Variants in ITPRID1 observed in about 807,000 individuals in gnomAD.
ITPRID1 encodes protein ITPRID1.
In ITPRID1, 96 loss-of-function variants were observed where a neutral mutation model predicts 95.4. The ratio of observed to expected loss-of-function variants is 1.01; its 90% CI spans 0.85 to 1.19. ITPRID1 has a LOEUF of 1.19. Among genes scored for constraint, ITPRID1 ranks in the 50% most tolerant of loss-of-function variants. The pLI, the probability that ITPRID1 is intolerant of heterozygous loss-of-function variation, is 0.00. For synonymous variants in ITPRID1, 510 were observed against 453.6 expected, an observed-to-expected ratio of 1.12 and a Z score of -1.58; for missense variants, 1,339 against 1,252.9, an observed-to-expected ratio of 1.07 and a Z score of -1.04.
rs564073402 is a variant in ITPRID1 at position 31,624,053 on chromosome 7, C to G, written c.1229-18123C>G. Among the ~76,000 whole-genome samples the G allele has an allele frequency of 8.2e-3, 1,233 of 150,800 alleles. 15 individuals are homozygous for G. Among genetic ancestry groups the G allele is most frequent in the African/African-American group, 0.028 (1,149 of 41,088 alleles). ...CAAAGAGAATAAAATACCTAGGAAT[C>G]CACCTTACAAGGGATGTGAAGGACC... On this transcript the variant is annotated intron_variant, in intron 10 of 14. Coordinates refer to ENST00000615280, the MANE Select transcript of ITPRID1 (RefSeq NM_001257967.3).
chr7:31,534,193 A>G (rs140915758), intron 1 of ITPRID1, among the ~76,000 whole-genome samples: 1 of 152,288 alleles, frequency 6.6e-6, no homozygotes, highest in Admixed American at 6.5e-5. Context: ...TTTTCCACCA[A>G]ACCAGTCCCT....
In ITPRID1 at chr7:31,617,908, G is replaced by T. The variant is rs1286929021; in HGVS notation, c.1229-24268G>T. 3.9e-5 allele frequency among the ~76,000 whole-genome samples: 6 copies of T among 152,150 alleles called. No homozygotes were observed. The South Asian group carries it at 1.2e-3, about 32-fold the overall frequency. ...AACGCTACAAATCACTGCAGGAAAA[G>T]AAGATAAAGTCCCTTTTCTATTTGT... On this transcript the variant is annotated intron_variant, in intron 10 of 14. Coordinates refer to ENST00000615280, the MANE Select transcript of ITPRID1 (RefSeq NM_001257967.3).
At chr7:31,585,692 A>C (rs1272913904) in intron 10 of ITPRID1, among the ~76,000 whole-genome samples, 1 of 152,188 alleles carries the variant, frequency 6.6e-6, no homozygotes, top group Non-Finnish European at 1.5e-5. Context: ...TTAGCTATCA[A>C]CTTGGACAAG....
rs142057205 is a variant in ITPRID1, at chr7:31,639,984, A to G, written c.1229-2192A>G. Among the ~76,000 whole-genome samples the G allele has an allele frequency of 2.0e-5, 3 of 152,276 alleles. No homozygotes were observed. The East Asian group carries it at 5.8e-4, about 29-fold the overall frequency. ...TTGCACACCTATTATTTTTTAATAT[A>G]TGCCACACATTTGGATTTTACCATA... On this transcript the variant is annotated intron_variant, in intron 10 of 14. Transcript: ENST00000615280.
At chr7:31,554,058 GGCTGGCT>G in intron 3 of ITPRID1, among the ~76,000 whole-genome samples, 1 of 152,252 alleles carries the variant, frequency 6.6e-6, no homozygotes. Flanking sequence ...AACCATCACT[GGCTGGCT>G]GCCTTAGGTA....
chr7:31,627,351 A>G (rs1788558010), intron 10 of ITPRID1, among the ~76,000 whole-genome samples: 3 of 152,224 alleles, frequency 2.0e-5, no homozygotes, highest in Admixed American at 1.3e-4. Context: ...GATATTCTTT[A>G]GAGAATCATC....
intron 10 of ITPRID1, among the ~76,000 whole-genome samples, chr7:31,622,322 C>T (rs1297701784): frequency 6.6e-6 from 1 of 151,726 alleles, no homozygotes; most frequent in African/African-American, 2.4e-5. Context: ...CAGCACCACA[C>T]CACACCTATT....
chr7:31,637,820 G>A (rs1026098740), intron 10 of ITPRID1, among the ~76,000 whole-genome samples: 6 of 152,204 alleles, frequency 3.9e-5, no homozygotes, highest in Non-Finnish European at 7.3e-5. Flanking sequence ...CCATGCCTAT[G>A]TCCTGAACAG....
At chr7:31,658,338 T>C (rs946223360), downstream of ITPRID1, 5 of 1,521,908 alleles carry the variant, frequency 3.3e-6, no homozygotes, top group African/African-American at 4.2e-5. Context: ...CTGCTAAAGA[T>C]GAAAAAATAA....
chr7:31,602,129 G>A (rs1786420276), intron 10 of ITPRID1, among the ~76,000 whole-genome samples: 1 of 152,062 alleles, frequency 6.6e-6, no homozygotes, highest in Non-Finnish European at 1.5e-5. Flanking sequence ...TACACAGAAA[G>A]CAGGGTGTTC....
intron 10 of ITPRID1, among the ~76,000 whole-genome samples, chr7:31,585,790 A>G (rs190162164): frequency 1.8e-4 from 27 of 148,982 alleles, no homozygotes; most frequent in Non-Finnish European, 1.8e-4. Context: ...TATTCAGAAT[A>G]AATGTCCACT....
At chr7:31,532,162 A>G (rs1171976755) in intron 1 of ITPRID1, among the ~76,000 whole-genome samples, 3 of 152,102 alleles carry the variant, frequency 2.0e-5, no homozygotes. Flanking sequence ...ATTTTGTTGC[A>G]TGTATGTTTA....
chr7:31,633,280 G>A (rs1015043341), intron 10 of ITPRID1, among the ~76,000 whole-genome samples: 1 of 152,188 alleles, frequency 6.6e-6, no homozygotes, highest in Non-Finnish European at 1.5e-5. Flanking sequence ...CTACTCCAAG[G>A]AGCAGAGCTA....
At chr7:31,537,949 A>G (rs535762509) in intron 1 of ITPRID1, among the ~76,000 whole-genome samples, 43 of 152,318 alleles carry the variant, frequency 2.8e-4, no homozygotes, top group Non-Finnish European at 4.4e-4. Flanking sequence ...ATCAAGAACC[A>G]TACATTGTCA....
chr7:31,612,204 A>T (rs563171145), intron 10 of ITPRID1, among the ~76,000 whole-genome samples: 1 of 152,014 alleles, frequency 6.6e-6, no homozygotes, highest in East Asian at 1.9e-4. Flanking sequence ...TCCTTTTATG[A>T]TATTTACCTC....
chr7:31,618,062 G>T (rs1787439561), intron 10 of ITPRID1, among the ~76,000 whole-genome samples: 1 of 152,162 alleles, frequency 6.6e-6, no homozygotes, highest in African/African-American at 2.4e-5. Flanking sequence ...GCCAAGAGAT[G>T]ACAGAAGCCT....
chr7:31,581,323 A>AT (rs1785396628), intron 9 of ITPRID1, among the ~76,000 whole-genome samples: 1 of 152,116 alleles, frequency 6.6e-6, no homozygotes, highest in Non-Finnish European at 1.5e-5. Context: ...TTGTGCATAG[A>AT]TTTTTTAATG....
chr7:31,619,689 G>C (rs574762937), intron 10 of ITPRID1, among the ~76,000 whole-genome samples: 1 of 152,080 alleles, frequency 6.6e-6, no homozygotes, highest in Non-Finnish European at 1.5e-5. Context: ...CGCAGAAGAC[G>C]GGTGATTTCT....
intron 1 of ITPRID1, among the ~76,000 whole-genome samples, chr7:31,523,072 T>C (rs1783317645): frequency 6.6e-6 from 1 of 152,214 alleles, no homozygotes; most frequent in African/African-American, 2.4e-5. Flanking sequence ...AATGAGATGA[T>C]GTTTGTAAAG....
Sources: allele counts gnomAD v4.1 joint callset (sites outside exome capture counted in the v4.1 genomes callset), GRCh38; gene constraint gnomAD v4.1.1; transcripts MANE v1.5; gene names NCBI Gene and HGNC (gene_info 2026-07-23, HGNC 2026-07-21).